The following KCNQ5 variants were observed in gnomAD, a reference collection of about 807,000 sequenced individuals.
The protein encoded by KCNQ5 is potassium voltage-gated channel subfamily KQT member 5.
Under a neutral mutation model 98.2 loss-of-function variants are expected in KCNQ5, and 30 were observed. That is an observed-to-expected ratio of 0.31 (90% CI 0.23 to 0.41). The LOEUF (loss-of-function observed/expected upper bound fraction) is 0.41, where lower values mean the gene tolerates loss of function less well. Ranked by LOEUF, KCNQ5 falls within the 10% of genes least tolerant of loss-of-function variation. KCNQ5 has a pLI of 1.00. For missense variants in KCNQ5, 835 were observed against 1,182.5 expected, an observed-to-expected ratio of 0.71 and a Z score of 4.31; for synonymous variants, 458 against 449.4, an observed-to-expected ratio of 1.02 and a Z score of -0.24.
chr6:72,820,342 C>T (rs571229714), intron 1 of KCNQ5, among the ~76,000 whole-genome samples: 1 of 152,116 alleles, frequency 6.6e-6, no homozygotes, highest in African/African-American at 2.4e-5. Context: ...GGGATTCAAG[C>T]TCAGAGAGTC....
chr6:72,931,946 C>A (rs571683820), intron 1 of KCNQ5, among the ~76,000 whole-genome samples: 1 of 152,132 alleles, frequency 6.6e-6, no homozygotes, highest in Non-Finnish European at 1.5e-5. Flanking sequence ...TAAGCTCTCC[C>A]TCACTTGACT....
chr6:73,060,386 T>A (rs922645767), intron 3 of KCNQ5, among the ~76,000 whole-genome samples: 2 of 152,222 alleles, frequency 1.3e-5, no homozygotes, highest in African/African-American at 4.8e-5. Flanking sequence ...TGTATCCATA[T>A]CTATCTTACC....
chr6:73,161,987 G>A (rs1345588947), intron 10 of KCNQ5, among the ~76,000 whole-genome samples: 2 of 151,966 alleles, frequency 1.3e-5, no homozygotes, highest in Non-Finnish European at 2.9e-5. Flanking sequence ...TGCGATCTTG[G>A]CTCACTGCAA....
At chr6:72,849,234 A>G (rs961301332) in intron 1 of KCNQ5, among the ~76,000 whole-genome samples, 9 of 152,138 alleles carry the variant, frequency 5.9e-5, no homozygotes, top group Non-Finnish European at 1.2e-4. Context: ...ATTGTGAATA[A>G]TGTTGCAATA....
intron 1 of KCNQ5, among the ~76,000 whole-genome samples, chr6:72,797,116 T>C (rs953294511): frequency 1.3e-5 from 2 of 152,218 alleles, no homozygotes; most frequent in African/African-American, 4.8e-5. Flanking sequence ...TTTTATTTAA[T>C]CCTAAATTTA....
intron 1 of KCNQ5, among the ~76,000 whole-genome samples, chr6:72,797,503 A>C (rs1431326769): frequency 1.0e-5 from 1 of 98,584 alleles, no homozygotes; most frequent in African/African-American, 6.1e-5. Flanking sequence ...AGACCCTGCC[A>C]AAAAAAAAAA....
intron 1 of KCNQ5, among the ~76,000 whole-genome samples, chr6:72,734,310 G>A (rs1770708408): frequency 6.9e-6 from 1 of 144,638 alleles, no homozygotes; most frequent in Non-Finnish European, 1.5e-5. Flanking sequence ...TCAATAACTA[G>A]TTTTTGTTTG....
intron 1 of KCNQ5, among the ~76,000 whole-genome samples, chr6:72,668,475 G>A (rs990072533): frequency 2.7e-4 from 41 of 152,224 alleles, no homozygotes; most frequent in African/African-American, 9.6e-4. Context: ...GTGTGTGTGT[G>A]TGTGTTTTGG....
At chr6:72,645,741 G>A (rs558634722) in intron 1 of KCNQ5, among the ~76,000 whole-genome samples, 12 of 152,158 alleles carry the variant, frequency 7.9e-5, no homozygotes, top group East Asian at 7.7e-4. Flanking sequence ...TTCAGTTGTG[G>A]TTTGTCCTTA....
At chr6:72,661,579 A>C (rs1356227230) in intron 1 of KCNQ5, among the ~76,000 whole-genome samples, 1 of 152,058 alleles carries the variant, frequency 6.6e-6, no homozygotes, top group African/African-American at 2.4e-5. Flanking sequence ...TGACTTTTTT[A>C]GTATTGATGT....
intron 11 of KCNQ5, among the ~76,000 whole-genome samples, chr6:73,184,735 CTTGGTG>C (rs1049091902): frequency 3.3e-5 from 5 of 152,318 alleles, no homozygotes; most frequent in Non-Finnish European, 7.3e-5. Context: ...TCCTAGAGCA[CTTGGTG>C]CTTGAGCTGA....
chr6:72,693,550 G>A (rs538326109), intron 1 of KCNQ5, among the ~76,000 whole-genome samples: 3 of 152,218 alleles, frequency 2.0e-5, no homozygotes, highest in African/African-American at 7.2e-5. Context: ...AGGAAAAAAA[G>A]GGTAAGATTG....
chr6:72,623,242 A>G (rs970582132), intron 1 of KCNQ5, among the ~76,000 whole-genome samples: 6 of 152,110 alleles, frequency 3.9e-5, no homozygotes, highest in African/African-American at 1.4e-4. Context: ...AGGCGAAGCA[A>G]CGCTCCCGCG....
chr6:72,774,672 AC>A (rs1253855009), intron 1 of KCNQ5, among the ~76,000 whole-genome samples: 1 of 152,072 alleles, frequency 6.6e-6, no homozygotes, highest in Non-Finnish European at 1.5e-5. Context: ...ACAGCAAAAA[AC>A]AATAGGAAAT....
intron 1 of KCNQ5, among the ~76,000 whole-genome samples, chr6:72,676,334 T>A (rs1052763021): frequency 1.3e-5 from 2 of 152,170 alleles, no homozygotes; most frequent in Non-Finnish European, 2.9e-5. Flanking sequence ...TTAAATTTTT[T>A]ATGTCACAAA....
chr6:72,855,193 T>C (rs908474086), intron 1 of KCNQ5, among the ~76,000 whole-genome samples: 2 of 152,074 alleles, frequency 1.3e-5, no homozygotes, highest in African/African-American at 4.8e-5. Context: ...GTGGACCAAA[T>C]TTTTTTAAAC....
At chr6:72,949,929 A>G (rs1162068101) in intron 1 of KCNQ5, among the ~76,000 whole-genome samples, 1 of 152,002 alleles carries the variant, frequency 6.6e-6, no homozygotes, top group Non-Finnish European at 1.5e-5. Flanking sequence ...CCTTTTTTTC[A>G]AAATGCTATA....
chr6:73,041,913 A>G (rs1582242727), intron 2 of KCNQ5, 23 bp from the exon 3 acceptor site: 1 of 1,613,504 alleles, frequency 6.2e-7, no homozygotes, highest in Non-Finnish European at 8.5e-7. Context: ...CTTCTCTCTG[A>G]TATGTCTTAT....
chr6:72,969,453 G>C (rs965085036), intron 1 of KCNQ5, among the ~76,000 whole-genome samples: 1 of 152,086 alleles, frequency 6.6e-6, no homozygotes, highest in Non-Finnish European at 1.5e-5. Context: ...GAACCTAATG[G>C]TTTGTCTCAG....
Sources: allele counts gnomAD v4.1 joint callset (sites outside exome capture counted in the v4.1 genomes callset), GRCh38; gene constraint gnomAD v4.1.1; transcripts MANE v1.5; gene names NCBI Gene and HGNC (gene_info 2026-07-23, HGNC 2026-07-21).